LRRN1: variants seen among roughly 807,000 people sequenced by gnomAD.
The protein encoded by LRRN1 is leucine rich repeat neuronal 1.
A neutral mutation model predicts 45.8 loss-of-function variants in LRRN1; 14 were observed. That is an observed-to-expected ratio of 0.31 (90% CI 0.20 to 0.48). The LOEUF is 0.48. Among genes scored for constraint, LRRN1 ranks in the 20% least tolerant of loss-of-function variants. The pLI is 0.99. For missense variants in LRRN1, 789 were observed against 874.2 expected, an observed-to-expected ratio of 0.90 and a Z score of 1.23; for synonymous variants, 359 against 330.1, an observed-to-expected ratio of 1.09 and a Z score of -0.95.
Position 3,845,825 on chromosome 3 carries a change from T to G in LRRN1, c.1184T>G (p.Leu395Arg). Reference sequence around the variant, plus strand: ...ACCAACATCCGCTTCATGGAGCCCCTGTCCATGTTCTGTGCCATGCCGCCC... The same window carrying G: ...ACCAACATCCGCTTCATGGAGCCCCGGTCCATGTTCTGTGCCATGCCGCCC... ...NKTNIRFMEP[L>R]SMFCAMPPEY... The change falls in exon 2 of 2, where the codon CTG becomes CGG. Residue 395 changes from leucine to arginine, a missense_variant. Physicochemically the swap from Leu to Arg is moderately radical, Grantham distance 102. Coordinates refer to ENST00000319331, the MANE Select transcript of LRRN1 (RefSeq NM_020873.7). The surrounding 1 kb of genome is among the most constrained non-coding windows in gnomAD (Gnocchi z 6.5). 6.2e-7 allele frequency: 1 copy of G among 1,614,158 alleles called. No homozygotes were observed. The highest frequency in any genetic ancestry group is 8.5e-7 in the Non-Finnish European group (1 of 1,180,034).
At chr3:3,833,535 C>T (rs1046048690) in intron 1 of LRRN1, among the ~76,000 whole-genome samples, 2 of 152,184 alleles carry the variant, frequency 1.3e-5, no homozygotes, top group Admixed American at 1.3e-4. Flanking sequence ...AGAATTCAAA[C>T]AGTTCTTTTC....
chr3:3,804,793 A>ACG (rs1448595436), intron 1 of LRRN1, among the ~76,000 whole-genome samples: 5 of 33,462 alleles, frequency 1.5e-4, no homozygotes, highest in African/African-American at 3.3e-4. Flanking sequence ...AACAATGTAC[A>ACG]TGTGACATCC....
In LRRN1 at chr3:3,829,960, T is replaced by C. The variant is rs1693330000; in HGVS notation, c.-278-14404T>C. Among the ~76,000 whole-genome samples, 4 of 152,282 alleles carry C rather than the reference T, an allele frequency of 2.6e-5. No homozygotes were observed. In the South Asian group the frequency reaches 6.2e-4, roughly 24 times the overall value. On this transcript the variant is annotated intron_variant, in intron 1 of 1. Coordinates refer to ENST00000319331, the MANE Select transcript of LRRN1 (RefSeq NM_020873.7). The stretch of plus-strand genomic sequence containing the variant: ...ATGGTGCTTTATCGAGGGCTCAGTG[T>C]TGGTCTCTGCTGCTGGCAAATTGGG...
chr3:3,825,835 A>G (rs1232949471), intron 1 of LRRN1, among the ~76,000 whole-genome samples: 2 of 152,226 alleles, frequency 1.3e-5, no homozygotes, highest in Non-Finnish European at 2.9e-5. Context: ...TGAGTTTATA[A>G]TTATAGATTT....
At position 3,847,588 on chromosome 3, in the gene LRRN1, ATAAT is replaced by A. The variant is rs1370594859; in HGVS notation, c.*797_*800del. The A allele has an allele frequency of 6.6e-5, 11 of 167,076 alleles. No individual in the cohort carries two copies. The highest frequency in any genetic ancestry group is 2.4e-4 in the African/African-American group (10 of 41,450). The allele number at this position is 167,076 out of a possible 1,614,324, so 10.3% of individuals were successfully genotyped here. A position where few individuals can be genotyped will look rare whatever the true frequency, so the allele number is the denominator to read the frequency against. On this transcript the variant is annotated 3_prime_UTR_variant, in exon 2 of 2. Transcript: ENST00000319331. ...CGTGGTGTATAATGAAGACAGAACT[ATAAT>A]AAATTAGTTTTGTTCTGATTTTTTA...
intron 1 of LRRN1, among the ~76,000 whole-genome samples, chr3:3,812,679 C>G (rs1418052435): frequency 6.6e-6 from 1 of 152,098 alleles, no homozygotes; most frequent in African/African-American, 2.4e-5. Flanking sequence ...TGAGTCTTGG[C>G]TGGTTAGGTG....
At chr3:3,840,787 G>C (rs1043382818) in intron 1 of LRRN1, among the ~76,000 whole-genome samples, 1 of 151,938 alleles carries the variant, frequency 6.6e-6, no homozygotes, top group African/African-American at 2.4e-5. Flanking sequence ...GCTTGAAAAA[G>C]GTATGTGTGT....
chr3:3,845,052 C>T lies in LRRN1; in HGVS notation c.411C>T (p.Tyr137=), dbSNP rs369762650. 101 of 1,614,172 alleles carry T rather than the reference C, an allele frequency of 6.3e-5. No individual in the cohort carries two copies. In the African/African-American group the frequency reaches 1.2e-3, roughly 19 times the overall value. ...EENQITEMTD[Y]CLQDLSNLQE... ...ATCAGATTACCGAGATGACTGATTA[C>T]TGTCTACAAGACCTCAGCAACCTTC... Residue 137 remains tyrosine (Y), a synonymous_variant, in exon 2 of 2, where the codon TAC becomes TAT. Transcript: ENST00000319331. The surrounding 1 kb of genome is among the most constrained non-coding windows in gnomAD (Gnocchi z 6.5).
chr3:3,800,044 T>C (rs1575273914), intron 1 of LRRN1, 125 bp downstream of exon 1: 1 of 144,204 alleles, frequency 6.9e-6, no homozygotes, highest in Non-Finnish European at 1.5e-5. Flanking sequence ...ATCGCGGGCC[T>C]GAGGGGGACG....
intron 1 of LRRN1, among the ~76,000 whole-genome samples, chr3:3,837,128 G>T (rs1197963879): frequency 6.6e-6 from 1 of 152,196 alleles, no homozygotes; most frequent in African/African-American, 2.4e-5. Context: ...GGAAAGCACT[G>T]CAAAAGTCTT....
chr3:3,813,551 T>C (rs1157091863), intron 1 of LRRN1, among the ~76,000 whole-genome samples: 2 of 152,290 alleles, frequency 1.3e-5, no homozygotes, highest in South Asian at 2.1e-4. Context: ...CTTTTATTAC[T>C]AACCTGCTTT....
chr3:3,823,468 T>C (rs1287716647), intron 1 of LRRN1, among the ~76,000 whole-genome samples: 1 of 152,186 alleles, frequency 6.6e-6, no homozygotes, highest in Non-Finnish European at 1.5e-5. Flanking sequence ...GGAGATTGTT[T>C]TCAGGACATA....
chr3:3,826,831 A>C (rs1234941048), intron 1 of LRRN1, among the ~76,000 whole-genome samples: 1 of 152,170 alleles, frequency 6.6e-6, no homozygotes, highest in Non-Finnish European at 1.5e-5. Flanking sequence ...CAGCGTTCAG[A>C]TCGTATGTGC....
At chr3:3,837,747 C>T (rs1483245887) in intron 1 of LRRN1, among the ~76,000 whole-genome samples, 1 of 150,396 alleles carries the variant, frequency 6.6e-6, no homozygotes, top group Non-Finnish European at 1.5e-5. Flanking sequence ...TTTTAAAGCT[C>T]CAGGGTACCT....
chr3:3,842,550 C>T (rs1486115002), intron 1 of LRRN1, among the ~76,000 whole-genome samples: 3 of 152,016 alleles, frequency 2.0e-5, no homozygotes, highest in Non-Finnish European at 4.4e-5. Flanking sequence ...TACTCTTAGT[C>T]ACAAAGATAA....
intron 1 of LRRN1, among the ~76,000 whole-genome samples, chr3:3,815,620 T>C (rs1692971819): frequency 6.6e-6 from 1 of 152,212 alleles, no homozygotes; most frequent in Non-Finnish European, 1.5e-5. Context: ...TGCTGAAGCA[T>C]AGCATACTAC....
At position 3,846,970 on chromosome 3, in the gene LRRN1, G is replaced by A. The variant is rs1693793888; in HGVS notation, c.*178G>A. The A allele has an allele frequency of 1.0e-5, 5 of 495,720 alleles. No homozygotes were observed. The highest frequency in any genetic ancestry group is 2.0e-5 in the African/African-American group (1 of 50,688). 30.7% of individuals were successfully genotyped at this position (495,720 alleles called of 1,614,324 possible). A position where few individuals can be genotyped will look rare whatever the true frequency, so the allele number is the denominator to read the frequency against. On this transcript the variant is annotated 3_prime_UTR_variant, in exon 2 of 2. Transcript: ENST00000319331. This position sits in a 1 kb window ranked among gnomAD's most constrained non-coding sequence, Gnocchi z 5.7. ...ATAGCGTATCGCAAGGGTTTGACAC[G>A]GCTGCCAGCGACTCTAGGCTTCCAG... is the stretch of plus-strand genomic sequence containing the variant.
rs755796337 is a variant in LRRN1, at chr3:3,845,744, T to A, written c.1103T>A (p.Ile368Asn). ...CTCCCCAATCTGCGTGAGATCAGTA[T>A]CCATAGCAATCCCCTCAGGTGTGAC... The part of the protein sequence containing the change: ...ESLPNLREIS[I>N]HSNPLRCDCV... Residue 368 changes from isoleucine to asparagine, a missense_variant, in exon 2 of 2, where the codon ATC (isoleucine) becomes AAC (asparagine). Transcript: ENST00000319331. This position sits in a 1 kb window ranked among gnomAD's most constrained non-coding sequence, Gnocchi z 6.5. The A allele has an allele frequency of 6.2e-7, 1 of 1,614,058 alleles. No individual in the cohort carries two copies. Among genetic ancestry groups the A allele is most frequent in the Non-Finnish European group, 8.5e-7 (1 of 1,180,010 alleles).
At chr3:3,827,898 A>T (rs1253255107) in intron 1 of LRRN1, among the ~76,000 whole-genome samples, 1 of 152,128 alleles carries the variant, frequency 6.6e-6, no homozygotes, top group African/African-American at 2.4e-5. Flanking sequence ...AATTTCAATG[A>T]TAATGGTTGA....
Sources: allele counts gnomAD v4.1 joint callset (sites outside exome capture counted in the v4.1 genomes callset), GRCh38; gene constraint gnomAD v4.1.1; non-coding constraint Gnocchi (gnomAD v3.1); transcripts MANE v1.5; gene names NCBI Gene and HGNC (gene_info 2026-07-23, HGNC 2026-07-21).